The following UBE2QL1 variants were observed in gnomAD, a reference collection of about 807,000 sequenced individuals.
The protein encoded by UBE2QL1 is ubiquitin-conjugating enzyme E2Q-like protein 1.
In UBE2QL1, 5 loss-of-function variants were observed where a neutral mutation model predicts 12.6. The ratio of observed to expected loss-of-function variants is 0.40; its 90% CI spans 0.21 to 0.83. The LOEUF (loss-of-function observed/expected upper bound fraction) is 0.83. UBE2QL1 is among the 40% of genes least tolerant of loss of function. The pLI is 0.37. For synonymous variants in UBE2QL1, 96 were observed against 94.5 expected (o/e 1.02, Z -0.10); for missense variants, 99 against 222.6 (o/e 0.44, Z 3.53).
chr5:6,451,691 T>A (rs1018174754), intron 1 of UBE2QL1, among the ~76,000 whole-genome samples: 1 of 152,190 alleles, frequency 6.6e-6, no homozygotes, highest in African/African-American at 2.4e-5. Flanking sequence ...ACATAAAATA[T>A]TCAAAATGCA....
chr5:6,483,534 G>A (rs534676821), intron 1 of UBE2QL1, among the ~76,000 whole-genome samples: 26 of 152,152 alleles, frequency 1.7e-4, no homozygotes, highest in Non-Finnish European at 2.6e-4. Context: ...TCAGCAGGGC[G>A]CAGCCAGCCT....
chr5:6,459,480 C>G (rs970728478), intron 1 of UBE2QL1, among the ~76,000 whole-genome samples: 8 of 152,148 alleles, frequency 5.3e-5, no homozygotes, highest in Admixed American at 5.2e-4. Context: ...CCAAACCCCT[C>G]GAAGCCACCT....
chr5:6,472,791 A>G (rs1213711139), intron 1 of UBE2QL1, among the ~76,000 whole-genome samples: 2 of 152,062 alleles, frequency 1.3e-5, no homozygotes, highest in Non-Finnish European at 2.9e-5. Flanking sequence ...AATTTTGAAC[A>G]AGTTACATTA....
rs1418025894 is a variant in UBE2QL1, at chr5:6,491,482, TTTAAG to T, written c.*137_*141del. The stretch of plus-strand genomic sequence containing the variant: ...CTGCATCCTGAATGCCCAGGAGACG[TTTAAG>T]TTATTTATGAAAAGATGTGTGTACA... On this transcript the variant is annotated 3_prime_UTR_variant, in exon 2 of 2. Transcript: ENST00000399816. 4 of 1,212,834 alleles carry T rather than the reference TTTAAG, an allele frequency of 3.3e-6. No homozygotes were observed. The highest frequency in any genetic ancestry group is 1.5e-5 in the African/African-American group (1 of 65,366). 75.1% of individuals were successfully genotyped at this position (1,212,834 alleles called of 1,614,324 possible).
intron 1 of UBE2QL1, among the ~76,000 whole-genome samples, chr5:6,458,060 C>T (rs925341768): frequency 2.6e-5 from 4 of 152,118 alleles, no homozygotes; most frequent in Admixed American, 6.5e-5. Flanking sequence ...ATTATTACAG[C>T]TTTATTTATT....
intron 1 of UBE2QL1, among the ~76,000 whole-genome samples, chr5:6,483,133 G>A (rs781162668): frequency 2.0e-5 from 3 of 152,122 alleles, no homozygotes; most frequent in East Asian, 1.9e-4. Context: ...GCTCAAACAC[G>A]CCTTTAAAAA....
At chr5:6,461,850 G>T (rs1739673815) in intron 1 of UBE2QL1, among the ~76,000 whole-genome samples, 1 of 152,206 alleles carries the variant, frequency 6.6e-6, no homozygotes, top group Non-Finnish European at 1.5e-5. Context: ...CCCCACCTTG[G>T]CTCCAGTCAC....
chr5:6,480,962 T>C (rs1432023153), intron 1 of UBE2QL1, among the ~76,000 whole-genome samples: 1 of 152,148 alleles, frequency 6.6e-6, no homozygotes, highest in Non-Finnish European at 1.5e-5. Context: ...TTTGGACTTG[T>C]TCATGGCTAA....
At chr5:6,466,319 C>G (rs575682817) in intron 1 of UBE2QL1, among the ~76,000 whole-genome samples, 29 of 152,360 alleles carry the variant, frequency 1.9e-4, no homozygotes, top group Non-Finnish European at 3.4e-4. Context: ...CCTCACACCC[C>G]AAGGCCAGGT....
Position 6,478,535 on chromosome 5 carries a change from C to T in UBE2QL1, c.355-12683C>T, listed in dbSNP as rs1021360999. Among the ~76,000 whole-genome samples the T allele has an allele frequency of 1.3e-5, 2 of 152,114 alleles. No homozygotes were observed. Among genetic ancestry groups the T allele is most frequent in the Non-Finnish European group, 2.9e-5 (2 of 68,036 alleles). On this transcript the variant is annotated intron_variant, in intron 1 of 1. Coordinates refer to ENST00000399816, the MANE Select transcript of UBE2QL1 (RefSeq NM_001145161.3). This position sits in a 1 kb window ranked among gnomAD's most constrained non-coding sequence, Gnocchi z 4.5. Reference sequence around the variant, plus strand: ...AAGCTCCTGCTAGCAGGGCAGACAGCGAATGGTGGCTGCCTCTGTTTTGAC... The same window carrying T: ...AAGCTCCTGCTAGCAGGGCAGACAGTGAATGGTGGCTGCCTCTGTTTTGAC...
At chr5:6,469,358 G>T (rs997321305) in intron 1 of UBE2QL1, among the ~76,000 whole-genome samples, 2 of 150,894 alleles carry the variant, frequency 1.3e-5, no homozygotes, top group Non-Finnish European at 3.0e-5. Flanking sequence ...ATAAGGCTGG[G>T]TTCTTTATAT....
At chr5:6,484,509 A>G (rs1403459654) in intron 1 of UBE2QL1, among the ~76,000 whole-genome samples, 3 of 152,148 alleles carry the variant, frequency 2.0e-5, no homozygotes, top group African/African-American at 7.2e-5. Context: ...CAGTTAATGG[A>G]AGCCCAGTTT....
intron 1 of UBE2QL1, among the ~76,000 whole-genome samples, chr5:6,450,005 A>G (rs1398593920): frequency 6.6e-6 from 1 of 151,708 alleles, no homozygotes; most frequent in Non-Finnish European, 1.5e-5. Context: ...CTCTCCTGGA[A>G]AGGTGGAAAT....
chr5:6,479,891 G>C lies in UBE2QL1; in HGVS notation c.355-11327G>C, dbSNP rs1421379667. Among the ~76,000 whole-genome samples, 1 of 152,160 alleles carries C rather than the reference G, an allele frequency of 6.6e-6. No homozygotes were observed. The highest frequency in any genetic ancestry group is 2.4e-5 in the African/African-American group (1 of 41,450). On this transcript the variant is annotated intron_variant, in intron 1 of 1. Transcript: ENST00000399816. The surrounding 1 kb of genome is among the most constrained non-coding windows in gnomAD (Gnocchi z 4.2). The stretch of plus-strand genomic sequence containing the variant: ...GCCCCCACATGTGCTGCAAAGACCA[G>C]AATGTACGTAGTAAAGGTAGACTCA...
intron 1 of UBE2QL1, among the ~76,000 whole-genome samples, chr5:6,468,748 A>G (rs1014701804): frequency 2.0e-5 from 3 of 152,186 alleles, no homozygotes; most frequent in African/African-American, 7.2e-5. Context: ...ACTTCCGGAA[A>G]TGATTATTAG....
At position 6,476,939 on chromosome 5, in the gene UBE2QL1, G is replaced by A. The variant is rs949858079; in HGVS notation, c.355-14279G>A. 2.0e-5 allele frequency among the ~76,000 whole-genome samples: 3 copies of A among 152,024 alleles called. No individual in the cohort carries two copies. The highest frequency in any genetic ancestry group is 6.6e-5 in the Admixed American group (1 of 15,256). ...ACCAGACCCAAACTCCAGGGACCCC[G>A]AAATTCCCACCTTCACCCCATCCTC... On this transcript the variant is annotated intron_variant, in intron 1 of 1. Transcript: ENST00000399816. The surrounding 1 kb of genome is among the most constrained non-coding windows in gnomAD (Gnocchi z 4.9).
chr5:6,483,029 A>G (rs1182500110), intron 1 of UBE2QL1, among the ~76,000 whole-genome samples: 3 of 152,196 alleles, frequency 2.0e-5, no homozygotes, highest in Non-Finnish European at 4.4e-5. Flanking sequence ...CTGCGAGTCC[A>G]ACACACTCTG....
chr5:6,484,298 T>A (rs1273416283), intron 1 of UBE2QL1, among the ~76,000 whole-genome samples: 2 of 152,108 alleles, frequency 1.3e-5, no homozygotes, highest in Admixed American at 6.5e-5. Context: ...CTGGAGGAAG[T>A]CGCCCAGCCT....
intron 1 of UBE2QL1, among the ~76,000 whole-genome samples, chr5:6,473,929 A>T (rs1479201161): frequency 1.3e-5 from 2 of 152,228 alleles, no homozygotes; most frequent in East Asian, 3.8e-4. Flanking sequence ...GGAAAAGGGC[A>T]GTTTTGATGA....
Sources: gnomAD v4.1 joint callset for allele counts (sites outside exome capture counted in the v4.1 genomes callset) on GRCh38, gnomAD v4.1.1 for gene constraint, Gnocchi (gnomAD v3.1) non-coding constraint, MANE v1.5 for transcripts, NCBI Gene and HGNC (gene_info 2026-07-23, HGNC 2026-07-21) for gene names.